The following KDM2B variants were observed in gnomAD, a reference collection of about 807,000 sequenced individuals.
KDM2B encodes the protein lysine demethylase 2B, also known as lysine-specific demethylase 2B.
KDM2B carries 26 observed loss-of-function variants against 150.0 expected under a neutral mutation model. The observed-to-expected ratio is 0.17, with a 90% CI of 0.13 to 0.24. KDM2B has a LOEUF of 0.24. Ranked by LOEUF, KDM2B falls within the 10% of genes least tolerant of loss-of-function variation. The probability of loss-of-function intolerance (pLI) is 1.00; values close to 1 mark genes in which losing one functional copy is unlikely to be tolerated. For missense variants in KDM2B, 1,265 were observed against 1,816.9 expected (o/e 0.70, Z 5.52); for synonymous variants, 734 against 729.5 (o/e 1.01, Z -0.10).
chr12:121,414,913 G>A, the KDM2B span, among the ~76,000 whole-genome samples: 2 of 152,210 alleles, frequency 1.3e-5, no homozygotes, highest in Non-Finnish European at 2.9e-5. Flanking sequence ...TGGTCAACAT[G>A]GTGAAACCCT....
At chr12:121,489,109 CT>C (rs1555299491) in intron 12 of KDM2B, among the ~76,000 whole-genome samples, 2 of 151,334 alleles carry the variant, frequency 1.3e-5, no homozygotes, top group Admixed American at 6.6e-5. Flanking sequence ...TGCCTGGCCT[CT>C]TTTTTGGTAT....
Position 121,572,360 on chromosome 12 carries a change from C to A in KDM2B, c.397+2187G>T, listed in dbSNP as rs555364055. Among the ~76,000 whole-genome samples the A allele has an allele frequency of 2.0e-5, 3 of 152,356 alleles. No individual in the cohort carries two copies. The East Asian group carries it at 5.8e-4, about 29-fold the overall frequency. On this transcript the variant is annotated intron_variant, in intron 4 of 22. Transcript: ENST00000377071. ...CCTACAGGAACCTGGGAGGCCCTCA[C>A]ATCCCAGCTCCGTGGCCTCTGCCAC...
intron 2 of KDM2B, among the ~76,000 whole-genome samples, chr12:121,576,224 C>G (rs564933972): frequency 6.6e-6 from 1 of 152,116 alleles, no homozygotes; most frequent in Non-Finnish European, 1.5e-5. Context: ...GACAGAGACA[C>G]GCATCCCAAG....
In KDM2B at chr12:121,534,743, C is replaced by T. The variant is rs1200693121; in HGVS notation, c.684-153G>A. The T allele has an allele frequency of 1.1e-4, 66 of 601,564 alleles. No individual in the cohort carries two copies. In the Admixed American group the frequency reaches 1.7e-3, roughly 15 times the overall value. The allele number at this position is 601,564 out of a possible 1,614,324, so 37.3% of individuals were successfully genotyped here. A position where few individuals can be genotyped will look rare whatever the true frequency, so the allele number is the denominator to read the frequency against. On this transcript the variant is annotated intron_variant, in intron 6 of 22. Coordinates refer to ENST00000377071, the MANE Select transcript of KDM2B (RefSeq NM_032590.5). ...TCTTCTTTAAAAATCCAAATGTAAT[C>T]GGAGTTCCCCACGGGGGAAGCCCCT... is the stretch of plus-strand genomic sequence containing the variant.
At chr12:121,497,650 A>G (rs910108894) in intron 11 of KDM2B, among the ~76,000 whole-genome samples, 1 of 152,120 alleles carries the variant, frequency 6.6e-6, no homozygotes, top group Non-Finnish European at 1.5e-5. Flanking sequence ...AAAGAGGGAC[A>G]GTCTACAAAA....
chr12:121,420,655 G>A, the KDM2B span: 24 of 1,614,020 alleles, frequency 1.5e-5, no homozygotes, highest in South Asian at 8.8e-5. Flanking sequence ...AGGAATGAGC[G>A]TGCGCCAGCT....
rs1886584833 is a variant in KDM2B, at chr12:121,520,388, T to C, written c.1047+597A>G. Among the ~76,000 whole-genome samples, 1 of 152,056 alleles carries C rather than the reference T, an allele frequency of 6.6e-6. No individual in the cohort carries two copies. The highest frequency in any genetic ancestry group is 6.6e-5 in the Admixed American group (1 of 15,260). On this transcript the variant is annotated intron_variant, in intron 9 of 22. Coordinates refer to ENST00000377071, the MANE Select transcript of KDM2B (RefSeq NM_032590.5). The surrounding 1 kb of genome is among the most constrained non-coding windows in gnomAD (Gnocchi z 4.5). ...GGACATGGGGTGAGTGAGGGAAACT[T>C]GACGTCTGGGAAACTAGCACCGTCC...
chr12:121,418,995 C>T, the KDM2B span, among the ~76,000 whole-genome samples: 6 of 152,228 alleles, frequency 3.9e-5, no homozygotes, highest in South Asian at 8.3e-4. Flanking sequence ...GAGCCAACCG[C>T]GCCTGGCCAA....
chr12:121,548,963 C>T lies in KDM2B; in HGVS notation c.597G>A (p.Val199=). ...RPTVVDLVDW[V]DNMWPQHLKE... is the part of the protein sequence containing the mutation. ...TCAGATGCTGGGGCCACATGTTGTC[C>T]ACCCAGTCCACCAGGTCTACCTGAA... The change falls in exon 6 of 23, where the codon GTG becomes GTA. Residue 199 remains valine (V), a synonymous_variant. Coordinates refer to ENST00000377071, the MANE Select transcript of KDM2B (RefSeq NM_032590.5). The T allele has an allele frequency of 6.2e-7, 1 of 1,614,070 alleles. No homozygotes were observed. The highest frequency in any genetic ancestry group is 2.2e-5 in the East Asian group (1 of 44,888).
chr12:121,520,961 G>A lies in KDM2B; in HGVS notation c.1047+24C>T, dbSNP rs201505715. ...GAGCTCAGGGGCCAGGCGCGCACGC[G>A]AGGACAGAAGGGAACCTCCTTACCC... On this transcript the variant is annotated intron_variant, in intron 9 of 22. Transcript: ENST00000377071. The surrounding 1 kb of genome is among the most constrained non-coding windows in gnomAD (Gnocchi z 4.5). The A allele has an allele frequency of 1.7e-3, 2,730 of 1,593,088 alleles. 41 individuals are homozygous for A. The South Asian group carries it at 0.019, about 11-fold the overall frequency.
At chr12:121,501,688 T>A (rs1337069609) in intron 11 of KDM2B, among the ~76,000 whole-genome samples, 1 of 151,918 alleles carries the variant, frequency 6.6e-6, no homozygotes, top group Non-Finnish European at 1.5e-5. Context: ...TGGCACAACC[T>A]CAGCTCACTG....
At chr12:121,439,727 T>C in intron 22 of KDM2B, 130 bp downstream of exon 22, 1 of 704,880 alleles carries the variant, frequency 1.4e-6, no homozygotes, top group South Asian at 1.7e-5. Context: ...CTGGGCTGTC[T>C]GTCTCAGTAA....
chr12:121,578,297 T>A (rs1891651769), intron 2 of KDM2B, among the ~76,000 whole-genome samples: 1 of 152,128 alleles, frequency 6.6e-6, no homozygotes, highest in South Asian at 2.1e-4. Flanking sequence ...TAAGGGGGCA[T>A]CGTCCCAAAC....
At chr12:121,522,065 C>T (rs1555306005) in intron 8 of KDM2B, among the ~76,000 whole-genome samples, 1 of 151,462 alleles carries the variant, frequency 6.6e-6, no homozygotes, top group East Asian at 2.0e-4. Flanking sequence ...ACTGTGATCA[C>T]ACCCCTGCAC....
At chr12:121,419,018 A>G in the KDM2B span, among the ~76,000 whole-genome samples, 29,067 of 152,154 alleles carry the variant, frequency 0.19, 4,289 homozygotes, top group African/African-American at 0.41. Flanking sequence ...GTGTCTTTTA[A>G]TTAGTAAATG....
At position 121,444,547 on chromosome 12, in the gene KDM2B, C is replaced by CA; in HGVS notation, c.2104-12dup. 2 of 1,612,634 alleles carry CA rather than the reference C, an allele frequency of 1.2e-6. No individual in the cohort carries two copies. The highest frequency in any genetic ancestry group is 1.7e-6 in the Non-Finnish European group (2 of 1,178,730). On this transcript the variant is annotated splice_polypyrimidine_tract_variant and intron_variant, in intron 14 of 22. Transcript: ENST00000377071. Reference sequence around the variant, plus strand: ...CTCTGACTCCTTAATCTGCGGGGAACACCAGGACTCAGAAGAGGGACGGGC... The same window carrying CA: ...CTCTGACTCCTTAATCTGCGGGGAACAACCAGGACTCAGAAGAGGGACGGGC...
chr12:121,566,948 C>A (rs2136359460), intron 4 of KDM2B, among the ~76,000 whole-genome samples: 1 of 152,018 alleles, frequency 6.6e-6, no homozygotes, highest in East Asian at 2.0e-4. Context: ...GTGGCGCAAT[C>A]TCAGCTCACT....
At chr12:121,494,816 C>T in intron 11 of KDM2B, 151 bp from the exon 12 acceptor site, 2 of 586,090 alleles carry the variant, frequency 3.4e-6, no homozygotes, top group Non-Finnish European at 5.9e-6. Flanking sequence ...TCAATAGAAA[C>T]CAAGTCACTA....
intron 1 of KDM2B, chr12:121,580,277 T>A (rs1349738995): frequency 2.6e-6 from 3 of 1,144,522 alleles, no homozygotes; most frequent in Non-Finnish European, 3.2e-6. Flanking sequence ...GTCGACGTCA[T>A]AATCCCCGGA....
Sources: gnomAD v4.1 joint callset for allele counts (sites outside exome capture counted in the v4.1 genomes callset) on GRCh38, gnomAD v4.1.1 for gene constraint, Gnocchi (gnomAD v3.1) non-coding constraint, MANE v1.5 for transcripts, NCBI Gene and HGNC (gene_info 2026-07-23, HGNC 2026-07-21) for gene names.